The following SUMF1 variants were observed in gnomAD, a reference collection of about 807,000 sequenced individuals.
SUMF1 encodes the protein formylglycine-generating enzyme.
A neutral mutation model predicts 47.6 loss-of-function variants in SUMF1; 48 were observed. The ratio of observed to expected loss-of-function variants is 1.01; its 90% CI spans 0.80 to 1.28. SUMF1 has a LOEUF of 1.28. SUMF1 is among the 50% of genes most tolerant of loss of function. The probability of loss-of-function intolerance (pLI) is 0.00; values close to 1 mark genes in which losing one functional copy is unlikely to be tolerated. For synonymous variants in SUMF1, 230 were observed against 192.1 expected, an observed-to-expected ratio of 1.20 and a Z score of -1.63; for missense variants, 571 against 485.4, an observed-to-expected ratio of 1.18 and a Z score of -1.66.
Position 4,253,640 on chromosome 3 carries a change from A to G in SUMF1, c.1014+122690T>C, listed in dbSNP as rs570337554. Among the ~76,000 whole-genome samples the G allele has an allele frequency of 3.1e-3, 474 of 151,894 alleles. 3 individuals carry two copies. Among genetic ancestry groups the G allele is most frequent in the Non-Finnish European group, 5.2e-3 (354 of 67,972 alleles). ...CCAAGGAATCTCGCTGATTGCTAGCACAGCAGTCTGTGATCAAACTGCAAG... is the reference window on the plus strand; with the variant it reads ...CCAAGGAATCTCGCTGATTGCTAGCGCAGCAGTCTGTGATCAAACTGCAAG... On this transcript the variant is annotated intron_variant and NMD_transcript_variant, in intron 8 of 12. Transcript: ENST00000448413.
chr3:4,463,310 T>C (rs2079861699), intron 1 of SUMF1, among the ~76,000 whole-genome samples: 1 of 152,136 alleles, frequency 6.6e-6, no homozygotes. Context: ...GCCAACGTGG[T>C]AAAACCCCGT....
chr3:4,382,757 C>T (rs1390894294), intron 7 of SUMF1, among the ~76,000 whole-genome samples: 1 of 152,138 alleles, frequency 6.6e-6, no homozygotes, highest in Admixed American at 6.5e-5. Flanking sequence ...AGGATGAGCT[C>T]ATGTCCTTTG....
intron 9 of SUMF1, among the ~76,000 whole-genome samples, chr3:4,053,744 A>C (rs1207615419): frequency 6.6e-6 from 1 of 152,148 alleles, no homozygotes; most frequent in South Asian, 2.1e-4. Context: ...CAGAAGGGAG[A>C]GTAGAGAACA....
At position 4,070,871 on chromosome 3, in the gene SUMF1, T is replaced by A. The variant is rs141872245; in HGVS notation, c.1015-2126A>T. On this transcript the variant is annotated intron_variant and NMD_transcript_variant, in intron 8 of 12. Coordinates refer to the SUMF1 transcript ENST00000448413. The stretch of plus-strand genomic sequence containing the variant: ...TGGTCTCAATCTCTTGACCTCATGA[T>A]CCACCCACCTCGGCCTCCCAAAGTG... Among the ~76,000 whole-genome samples the A allele has an allele frequency of 1.4e-3, 218 of 152,194 alleles. 1 individual carries two copies. The highest frequency in any genetic ancestry group is 5.1e-3 in the African/African-American group (211 of 41,528).
At chr3:4,276,230 G>C (rs940271142) in intron 8 of SUMF1, among the ~76,000 whole-genome samples, 1 of 152,210 alleles carries the variant, frequency 6.6e-6, no homozygotes, top group Admixed American at 6.5e-5. Flanking sequence ...GGAATGGACA[G>C]ATAATAATAT....
intron 9 of SUMF1, among the ~76,000 whole-genome samples, chr3:4,041,490 T>C (rs56230326): frequency 0.026 from 3,941 of 152,286 alleles, 79 homozygotes; most frequent in Non-Finnish European, 0.04. Context: ...ACTGCAATCC[T>C]GCTCAGGTGG....
Position 4,218,196 on chromosome 3 carries a change from A to G in SUMF1, c.1015-149451T>C, listed in dbSNP as rs2125171250. Reference sequence around the variant, plus strand: ...AAGCCAAAGAGAGAGACCTTACGAGAAATCAACCCTGTCAACCGAACACCT... The same window carrying G: ...AAGCCAAAGAGAGAGACCTTACGAGGAATCAACCCTGTCAACCGAACACCT... On this transcript the variant is annotated intron_variant and NMD_transcript_variant, in intron 8 of 12. Coordinates refer to the SUMF1 transcript ENST00000448413. 2.0e-5 allele frequency among the ~76,000 whole-genome samples: 3 copies of G among 152,168 alleles called. No individual in the cohort carries two copies. In the East Asian group the frequency reaches 5.8e-4, roughly 29 times the overall value.
chr3:4,190,770 CAA>C (rs1367797993), intron 8 of SUMF1, among the ~76,000 whole-genome samples: 2 of 151,966 alleles, frequency 1.3e-5, no homozygotes, highest in Non-Finnish European at 2.9e-5. Context: ...CTGGGGATAC[CAA>C]AAAATAAGCC....
intron 8 of SUMF1, chr3:4,303,676 C>G (rs965188872): frequency 1.1e-5 from 17 of 1,490,820 alleles, no homozygotes; most frequent in Non-Finnish European, 1.4e-5. Context: ...GTGTGCATGC[C>G]CCGGCCTGGG....
intron 8 of SUMF1, among the ~76,000 whole-genome samples, chr3:4,289,521 A>G (rs1288075574): frequency 2.6e-5 from 4 of 152,184 alleles, no homozygotes; most frequent in Admixed American, 1.3e-4. Flanking sequence ...AGGAAGCTCT[A>G]TGAGTCAGAG....
chr3:4,126,339 T>C (rs1173762373), intron 8 of SUMF1, among the ~76,000 whole-genome samples: 1 of 152,050 alleles, frequency 6.6e-6, no homozygotes, highest in Admixed American at 6.6e-5. Context: ...ATTTCTTCTA[T>C]GTTAATTTAG....
intron 3 of SUMF1, among the ~76,000 whole-genome samples, chr3:4,429,341 C>G (rs1314646462): frequency 6.6e-6 from 1 of 152,210 alleles, no homozygotes; most frequent in Non-Finnish European, 1.5e-5. Context: ...TTGCTAGTAG[C>G]TTACTTATAG....
At chr3:4,167,768 C>A (rs1694742649) in intron 8 of SUMF1, among the ~76,000 whole-genome samples, 1 of 152,108 alleles carries the variant, frequency 6.6e-6, no homozygotes, top group Non-Finnish European at 1.5e-5. Context: ...GAAGCAAGCG[C>A]TAAGATTTGA....
intron 8 of SUMF1, among the ~76,000 whole-genome samples, chr3:4,146,013 G>C (rs993239457): frequency 1.3e-5 from 2 of 152,066 alleles, no homozygotes; most frequent in East Asian, 3.9e-4. Flanking sequence ...CTGTTGTGTC[G>C]ACTTGGTCTC....
intron 8 of SUMF1, among the ~76,000 whole-genome samples, chr3:4,154,093 C>A (rs1694399771): frequency 6.6e-6 from 1 of 151,482 alleles, no homozygotes; most frequent in South Asian, 2.1e-4. Context: ...GGCACCAAAC[C>A]TAGACTGAGA....
intron 8 of SUMF1, among the ~76,000 whole-genome samples, chr3:4,368,315 A>G (rs1260480882): frequency 1.3e-5 from 2 of 152,224 alleles, no homozygotes; most frequent in African/African-American, 2.4e-5. Context: ...TAGAATGGCA[A>G]TCATTAAAAA....
intron 8 of SUMF1, among the ~76,000 whole-genome samples, chr3:4,363,733 C>T (rs13068977): frequency 0.47 from 47,354 of 100,564 alleles, 12,321 homozygotes; most frequent in East Asian, 0.65. Flanking sequence ...CCTGCCTAAT[C>T]GCCCTGGCCA....
intron 8 of SUMF1, among the ~76,000 whole-genome samples, chr3:4,192,186 A>G (rs1338583111): frequency 6.6e-6 from 1 of 152,092 alleles, no homozygotes; most frequent in Non-Finnish European, 1.5e-5. Flanking sequence ...GGAGAAAAGT[A>G]TGAGATAGTC....
At chr3:4,119,192 C>A (rs1693484657) in intron 8 of SUMF1, among the ~76,000 whole-genome samples, 1 of 152,150 alleles carries the variant, frequency 6.6e-6, no homozygotes, top group African/African-American at 2.4e-5. Context: ...GGACTGCTCT[C>A]TCCGCCTACA....
Sources: allele counts gnomAD v4.1 joint callset (sites outside exome capture counted in the v4.1 genomes callset), GRCh38; gene constraint gnomAD v4.1.1; transcripts MANE v1.5; gene names NCBI Gene and HGNC (gene_info 2026-07-23, HGNC 2026-07-21).